The following UNC5A variants were observed in gnomAD, a reference collection of about 807,000 sequenced individuals.
UNC5A encodes unc-5 netrin receptor A.
In UNC5A, 20 loss-of-function variants were observed where a neutral mutation model predicts 87.4. The observed-to-expected ratio is 0.23, with a 90% CI of 0.16 to 0.33. UNC5A has a LOEUF of 0.33. Ranked by LOEUF, UNC5A falls within the 10% of genes least tolerant of loss-of-function variation. UNC5A has a pLI of 1.00. For missense variants in UNC5A, 844 were observed against 1,133.4 expected, an observed-to-expected ratio of 0.74 and a Z score of 3.67; for synonymous variants, 438 against 482.3, an observed-to-expected ratio of 0.91 and a Z score of 1.20.
intron 1 of UNC5A, among the ~76,000 whole-genome samples, chr5:176,813,920 C>T (rs1457813370): frequency 3.3e-5 from 5 of 152,212 alleles, no homozygotes; most frequent in Non-Finnish European, 5.9e-5. Context: ...TAGGCCACCC[C>T]TCTCCCAATG....
At chr5:176,834,677 C>CTCTCTCTT (rs1757107093) in intron 1 of UNC5A, among the ~76,000 whole-genome samples, 1 of 149,406 alleles carries the variant, frequency 6.7e-6, no homozygotes, top group Admixed American at 6.7e-5. Context: ...CTCTCTCTCT[C>CTCTCTCTT]TCTCTCTCTC....
At position 176,868,922 on chromosome 5, in the gene UNC5A, G is replaced by C. The variant is rs750035224; in HGVS notation, c.679G>C (p.Val227Leu). The C allele has an allele frequency of 6.2e-7, 1 of 1,611,962 alleles. No homozygotes were observed. Among genetic ancestry groups the C allele is most frequent in the Non-Finnish European group, 8.5e-7 (1 of 1,179,470 alleles). ...ANYTCVAKNI[V>L]ARRRSASAAV... ...CTACACCTGCGTGGCCAAGAACATCGTGGCACGTCGCCGCAGCGCCTCCGC... is the reference window on the plus strand; with the variant it reads ...CTACACCTGCGTGGCCAAGAACATCCTGGCACGTCGCCGCAGCGCCTCCGC... Residue 227 changes from valine to leucine, a missense_variant, in exon 5 of 15, where the codon GTG becomes CTG. By Grantham distance (32) the Val-to-Leu change is conservative (BLOSUM62 1). Coordinates refer to ENST00000329542, the MANE Select transcript of UNC5A (RefSeq NM_133369.3).
intron 1 of UNC5A, among the ~76,000 whole-genome samples, chr5:176,850,347 TTC>T (rs1048377238): frequency 6.6e-6 from 1 of 152,122 alleles, no homozygotes; most frequent in Non-Finnish European, 1.5e-5. Context: ...TGAGATCGGA[TTC>T]TCTTTCTAGA....
At chr5:176,836,886 C>T (rs554784691) in intron 1 of UNC5A, among the ~76,000 whole-genome samples, 3 of 152,308 alleles carry the variant, frequency 2.0e-5, no homozygotes, top group Middle Eastern at 3.4e-3. Context: ...TCATGGATGG[C>T]AGAGCCAAAC....
At chr5:176,811,720 T>C (rs73804241) in intron 1 of UNC5A, among the ~76,000 whole-genome samples, 6,935 of 152,038 alleles carry the variant, frequency 0.046, 537 homozygotes, top group African/African-American at 0.16. Flanking sequence ...TTAGCTGAGT[T>C]GAGCGTATGT....
Position 176,824,185 on chromosome 5 carries a change from G to A in UNC5A, c.70+13365G>A, listed in dbSNP as rs1205701796. ...TGGAGGCAGCAATGATGCAGGTTCC[G>A]ACACTGGCCCAGGACTATTTCCCCC... On this transcript the variant is annotated intron_variant, in intron 1 of 14. Transcript: ENST00000329542. The surrounding 1 kb of genome is among the most constrained non-coding windows in gnomAD (Gnocchi z 4.2). Among the ~76,000 whole-genome samples, 2 of 152,252 alleles carry A rather than the reference G, an allele frequency of 1.3e-5. No homozygotes were observed. Among genetic ancestry groups the A allele is most frequent in the Admixed American group, 6.5e-5 (1 of 15,286 alleles).
intron 1 of UNC5A, among the ~76,000 whole-genome samples, chr5:176,831,885 C>CTTTTTTTTTTTTTTT (rs10580672): frequency 1.1e-4 from 3 of 27,664 alleles, no homozygotes; most frequent in African/African-American, 1.8e-4. Context: ...TTCTCTCTCT[C>CTTTTTTTTTTTTTTT]TTTTTTTTTT....
intron 11 of UNC5A, 40 bp from the exon 12 acceptor site, chr5:176,878,204 A>T: frequency 6.2e-7 from 1 of 1,603,960 alleles, no homozygotes. Flanking sequence ...CCTTGGGCGC[A>T]GTGGGGAGGG....
rs1758232728 is a variant in UNC5A at position 176,875,223 on chromosome 5, A to T, written c.1378+657A>T. Reference sequence around the variant, plus strand: ...GGCTTTAATCGCCGTGTCTGTGCAGATAACTCCCACTCCCCCATCCTTAGC... The same window carrying T: ...GGCTTTAATCGCCGTGTCTGTGCAGTTAACTCCCACTCCCCCATCCTTAGC... On this transcript the variant is annotated intron_variant, in intron 8 of 14. Coordinates refer to ENST00000329542, the MANE Select transcript of UNC5A (RefSeq NM_133369.3). This position sits in a 1 kb window ranked among gnomAD's most constrained non-coding sequence, Gnocchi z 5.2. Among the ~76,000 whole-genome samples the T allele has an allele frequency of 6.6e-6, 1 of 152,008 alleles. No homozygotes were observed. The highest frequency in any genetic ancestry group is 1.5e-5 in the Non-Finnish European group (1 of 68,012).
intron 8 of UNC5A, among the ~76,000 whole-genome samples, chr5:176,876,507 C>T (rs1758265201): frequency 6.6e-6 from 1 of 152,166 alleles, no homozygotes; most frequent in African/African-American, 2.4e-5. Context: ...CCGTCTTTGC[C>T]GGATCCTGTC....
rs868818662 is a variant in UNC5A at position 176,869,709 on chromosome 5, G to C, written c.722-661G>C. On this transcript the variant is annotated intron_variant, in intron 5 of 14. Coordinates refer to ENST00000329542, the MANE Select transcript of UNC5A (RefSeq NM_133369.3). The surrounding 1 kb of genome is among the most constrained non-coding windows in gnomAD (Gnocchi z 9.1). ...ACGGAGCCGGAGCTGCACCAACCCGGCGCCTCTCAACGGGGGCGCTTTCTG... is the reference window on the plus strand; with the variant it reads ...ACGGAGCCGGAGCTGCACCAACCCGCCGCCTCTCAACGGGGGCGCTTTCTG... The C allele has an allele frequency of 1.5e-6, 1 of 676,800 alleles. No homozygotes were observed. The highest frequency in any genetic ancestry group is 2.1e-5 in the Admixed American group (1 of 47,502). 41.9% of individuals were successfully genotyped at this position (676,800 alleles called of 1,614,324 possible).
In UNC5A at chr5:176,841,555, C is replaced by T. The variant is rs771812878; in HGVS notation, c.71-21069C>T. Among the ~76,000 whole-genome samples, 64 of 152,318 alleles carry T rather than the reference C, an allele frequency of 4.2e-4. No homozygotes were observed. The highest frequency in any genetic ancestry group is 7.5e-4 in the Non-Finnish European group (51 of 68,036). On this transcript the variant is annotated intron_variant, in intron 1 of 14. Coordinates refer to ENST00000329542, the MANE Select transcript of UNC5A (RefSeq NM_133369.3). This position sits in a 1 kb window ranked among gnomAD's most constrained non-coding sequence, Gnocchi z 4.1. ...ATGAGAATCTTGGTAGCACCTAATTCGTAACGTTGCTGTGAGGATGAAATG... is the reference window on the plus strand; with the variant it reads ...ATGAGAATCTTGGTAGCACCTAATTTGTAACGTTGCTGTGAGGATGAAATG...
intron 1 of UNC5A, among the ~76,000 whole-genome samples, chr5:176,830,340 C>A (rs1056256157): frequency 1.3e-5 from 2 of 152,016 alleles, no homozygotes; most frequent in Non-Finnish European, 2.9e-5. Context: ...GGCATGGGTG[C>A]GGTGTGCGCC....
rs892971634 is a variant in UNC5A at position 176,865,535 on chromosome 5, C to A, written c.293-2595C>A. ...AGGGTCCTCTTCTGCCCCGAGCATC[C>A]GACTCCAGCCTCCCATGGCCGGAAC... On this transcript the variant is annotated intron_variant, in intron 2 of 14. Transcript: ENST00000329542. The surrounding 1 kb of genome is among the most constrained non-coding windows in gnomAD (Gnocchi z 5.3). 2.2e-6 allele frequency: 1 copy of A among 454,424 alleles called. No individual in the cohort carries two copies. The highest frequency in any genetic ancestry group is 4.4e-6 in the Non-Finnish European group (1 of 225,180). 28.1% of individuals were successfully genotyped at this position (454,424 alleles called of 1,614,324 possible).
chr5:176,835,016 G>C (rs1224457034), intron 1 of UNC5A, among the ~76,000 whole-genome samples: 1 of 152,256 alleles, frequency 6.6e-6, no homozygotes, highest in Non-Finnish European at 1.5e-5. Flanking sequence ...GGAGACACAT[G>C]CCTGAGTGCA....
chr5:176,862,234 G>C (rs1044735905), intron 1 of UNC5A, among the ~76,000 whole-genome samples: 1 of 152,164 alleles, frequency 6.6e-6, no homozygotes, highest in Non-Finnish European at 1.5e-5. Context: ...CTCGCCCCAG[G>C]CAGCTCACCT....
chr5:176,822,870 C>A (rs149506939), intron 1 of UNC5A, among the ~76,000 whole-genome samples: 1 of 152,080 alleles, frequency 6.6e-6, no homozygotes, highest in Admixed American at 6.5e-5. Context: ...GGCGTGCAGC[C>A]CCGCTGGAGC....
chr5:176,851,838 G>A (rs1251374769), intron 1 of UNC5A, among the ~76,000 whole-genome samples: 4 of 152,218 alleles, frequency 2.6e-5, no homozygotes, highest in African/African-American at 7.2e-5. Context: ...CTTATGGTGC[G>A]TGTGCCTGGG....
At position 176,874,486 on chromosome 5, in the gene UNC5A, G is replaced by T. The variant is rs1245276998; in HGVS notation, c.1298G>T (p.Arg433Leu). 6.2e-7 allele frequency: 1 copy of T among 1,611,662 alleles called. No individual in the cohort carries two copies. Among genetic ancestry groups the T allele is most frequent in the Middle Eastern group, 1.7e-4 (1 of 6,048 alleles). Reference sequence around the variant, plus strand: ...CGCCTCTCCACCCAGAACTACTTCCGCTCCCTGCCCCGAGGCACCAGCAAC... The same window carrying T: ...CGCCTCTCCACCCAGAACTACTTCCTCTCCCTGCCCCGAGGCACCAGCAAC... ...VSRLSTQNYF[R>L]SLPRGTSNMT... Residue 433 changes from arginine (R) to leucine (L), a missense_variant, in exon 8 of 15, where the codon CGC becomes CTC. Around this residue, in one of 3 missense-constraint regions of UNC5A, gnomAD observed 353 missense variants for 387.5 expected, o/e 0.91. Transcript: ENST00000329542. This position sits in a 1 kb window ranked among gnomAD's most constrained non-coding sequence, Gnocchi z 7.6.
Sources: gnomAD v4.1 joint callset for allele counts (sites outside exome capture counted in the v4.1 genomes callset) on GRCh38, gnomAD v4.1.1 for gene constraint, gnomAD v4.1.1 regional missense constraint, Gnocchi (gnomAD v3.1) non-coding constraint, MANE v1.5 for transcripts, NCBI Gene and HGNC (gene_info 2026-07-23, HGNC 2026-07-21) for gene names.